UBE2E3: variants seen among roughly 807,000 people sequenced by gnomAD.
The protein encoded by UBE2E3 is ubiquitin-conjugating enzyme E2 E3.
A neutral mutation model predicts 23.6 loss-of-function variants in UBE2E3; 5 were observed. The ratio of observed to expected loss-of-function variants is 0.21; its 90% CI spans 0.11 to 0.44. UBE2E3 has a LOEUF of 0.44. Ranked by LOEUF, UBE2E3 falls within the 20% of genes least tolerant of loss-of-function variation. The pLI is 0.99. For synonymous variants in UBE2E3, 78 were observed against 87.5 expected (o/e 0.89, Z 0.60); for missense variants, 81 against 249.8 (o/e 0.32, Z 4.55).
intron 3 of UBE2E3, among the ~76,000 whole-genome samples, chr2:181,025,244 G>A (rs1185206300): frequency 6.6e-6 from 1 of 151,888 alleles, no homozygotes; most frequent in Non-Finnish European, 1.5e-5. Flanking sequence ...ATATCCACTA[G>A]CCTACTCTCT....
intron 4 of UBE2E3, 139 bp downstream of exon 4, chr2:181,057,964 CAA>C: frequency 1.2e-6 from 1 of 858,996 alleles, no homozygotes; most frequent in Non-Finnish European, 1.7e-6. Context: ...TTCGCATAAT[CAA>C]GAATTTTAAA....
At chr2:181,035,503 A>T (rs1473743190) in intron 3 of UBE2E3, among the ~76,000 whole-genome samples, 2 of 152,222 alleles carry the variant, frequency 1.3e-5, no homozygotes, top group Admixed American at 1.3e-4. Flanking sequence ...TCTTAGTAAT[A>T]TTATATATGT....
intron 3 of UBE2E3, among the ~76,000 whole-genome samples, chr2:181,056,860 G>T (rs1687002734): frequency 6.6e-6 from 1 of 151,776 alleles, no homozygotes; most frequent in Admixed American, 6.6e-5. Context: ...TCTGGATGAT[G>T]AAACTTAACA....
intron 2 of UBE2E3, among the ~76,000 whole-genome samples, chr2:180,983,333 A>G (rs183779912): frequency 1.2e-4 from 18 of 152,316 alleles, no homozygotes; most frequent in African/African-American, 4.1e-4. Flanking sequence ...AATTTGGTAT[A>G]GTGTTGATGC....
intron 5 of UBE2E3, among the ~76,000 whole-genome samples, chr2:181,061,940 C>A (rs902773750): frequency 1.3e-5 from 2 of 151,234 alleles, no homozygotes; most frequent in Non-Finnish European, 3.0e-5. Context: ...ACCTCAATGC[C>A]CATTAATAGA....
intron 3 of UBE2E3, among the ~76,000 whole-genome samples, chr2:181,039,508 C>T (rs1463829459): frequency 6.6e-6 from 1 of 151,924 alleles, no homozygotes; most frequent in Non-Finnish European, 1.5e-5. Flanking sequence ...TGGTGGCTCA[C>T]GCCTGTAATC....
At chr2:181,045,567 G>GA (rs1362731621) in intron 3 of UBE2E3, among the ~76,000 whole-genome samples, 2 of 152,106 alleles carry the variant, frequency 1.3e-5, no homozygotes, top group Non-Finnish European at 2.9e-5. Flanking sequence ...TTTATCACCT[G>GA]ATGAGTTTTT....
chr2:181,010,111 G>A (rs1011799750), intron 3 of UBE2E3, among the ~76,000 whole-genome samples: 1 of 152,078 alleles, frequency 6.6e-6, no homozygotes, highest in Admixed American at 6.6e-5. Context: ...CAGAAACAAA[G>A]TAAGATGAAA....
intron 3 of UBE2E3, among the ~76,000 whole-genome samples, chr2:180,985,958 G>A (rs903210335): frequency 6.6e-6 from 1 of 152,072 alleles, no homozygotes; most frequent in African/African-American, 2.4e-5. Context: ...GTTTCCTCAA[G>A]GTCACTGAGG....
chr2:181,032,061 C>G (rs1476600452), intron 3 of UBE2E3, among the ~76,000 whole-genome samples: 3 of 152,110 alleles, frequency 2.0e-5, no homozygotes, highest in South Asian at 2.1e-4. Flanking sequence ...AATCTAGAAA[C>G]CAAAAACTGT....
intron 3 of UBE2E3, among the ~76,000 whole-genome samples, chr2:180,984,819 CTAA>C (rs1021121763): frequency 6.6e-6 from 1 of 151,486 alleles, no homozygotes; most frequent in Admixed American, 6.6e-5. Flanking sequence ...TATTTTTTCT[CTAA>C]TAATTTTTTT....
At chr2:181,011,968 T>A (rs1294604016) in intron 3 of UBE2E3, among the ~76,000 whole-genome samples, 1 of 152,186 alleles carries the variant, frequency 6.6e-6, no homozygotes, top group East Asian at 1.9e-4. Flanking sequence ...GTGTATCATA[T>A]TTTCCTGTCA....
intron 3 of UBE2E3, among the ~76,000 whole-genome samples, chr2:181,055,413 GC>G (rs2105477746): frequency 6.6e-6 from 1 of 151,726 alleles, no homozygotes; most frequent in Admixed American, 6.6e-5. Flanking sequence ...AGTGGACTCA[GC>G]CCTGCAACTG....
At chr2:180,988,768 T>A (rs2105571408) in intron 3 of UBE2E3, among the ~76,000 whole-genome samples, 1 of 152,198 alleles carries the variant, frequency 6.6e-6, no homozygotes, top group East Asian at 1.9e-4. Flanking sequence ...GCTTATAGAG[T>A]ACTTGGTTTT....
intron 3 of UBE2E3, among the ~76,000 whole-genome samples, chr2:181,054,235 A>ACTGGATTAC (rs1686925514): frequency 6.6e-6 from 1 of 151,844 alleles, no homozygotes; most frequent in Non-Finnish European, 1.5e-5. Flanking sequence ...ACTGGATCTT[A>ACTGGATTAC]TGGTAAGATA....
At chr2:181,047,444 T>C (rs1035931688) in intron 3 of UBE2E3, among the ~76,000 whole-genome samples, 3 of 152,162 alleles carry the variant, frequency 2.0e-5, no homozygotes, top group African/African-American at 7.2e-5. Context: ...GACATACTTA[T>C]CTTTTGGATA....
intron 1 of UBE2E3, 46 bp downstream of exon 1, chr2:180,981,019 G>A (rs1684269687): frequency 1.4e-5 from 2 of 147,072 alleles, no homozygotes; most frequent in Non-Finnish European, 3.0e-5. Context: ...GGCCGGGGCG[G>A]CGGCGGCGGT....
chr2:181,031,684 G>GTGTTT (rs924209110), intron 3 of UBE2E3, among the ~76,000 whole-genome samples: 1 of 151,800 alleles, frequency 6.6e-6, no homozygotes, highest in South Asian at 2.1e-4. Flanking sequence ...ATTAGTTTTG[G>GTGTTT]TGTTTTGTTT....
chr2:181,057,440 C>T (rs1306023170), intron 3 of UBE2E3, among the ~76,000 whole-genome samples: 3 of 151,706 alleles, frequency 2.0e-5, no homozygotes, highest in Non-Finnish European at 4.4e-5. Flanking sequence ...GAGCAGAATG[C>T]TAATGGAGAC....
Sources: allele counts gnomAD v4.1 joint callset (sites outside exome capture counted in the v4.1 genomes callset), GRCh38; gene constraint gnomAD v4.1.1; transcripts MANE v1.5; gene names NCBI Gene and HGNC (gene_info 2026-07-23, HGNC 2026-07-21).